Variants in PHLPP1 observed in about 807,000 individuals in gnomAD.
PHLPP1 encodes PH domain leucine-rich repeat-containing protein phosphatase 1.
In PHLPP1, 42 loss-of-function variants were observed where a neutral mutation model predicts 117.2. The ratio of observed to expected loss-of-function variants is 0.36; its 90% CI spans 0.28 to 0.46. The LOEUF (loss-of-function observed/expected upper bound fraction) is 0.46. Ranked by LOEUF, PHLPP1 falls within the 20% of genes least tolerant of loss-of-function variation. The pLI is 1.00. For missense variants in PHLPP1, 2,084 were observed against 2,241.9 expected, an observed-to-expected ratio of 0.93 and a Z score of 1.42; for synonymous variants, 1,042 against 970.7, an observed-to-expected ratio of 1.07 and a Z score of -1.37.
In PHLPP1 at chr18:62,716,473, C is replaced by T. The variant is rs957868333; in HGVS notation, c.790C>T (p.Pro264Ser). 1.3e-5 allele frequency: 16 copies of T among 1,232,954 alleles called. No individual in the cohort carries two copies. Among genetic ancestry groups the T allele is most frequent in the Non-Finnish European group, 1.5e-5 (15 of 990,310 alleles). 76.4% of individuals were successfully genotyped at this position (1,232,954 alleles called of 1,614,324 possible). Residue 264 changes from proline (P) to serine (S), a missense_variant, in exon 1 of 17, where the codon CCC becomes TCC. Pro to Ser is a moderately conservative substitution (Grantham distance 74). Coordinates refer to ENST00000262719, the MANE Select transcript of PHLPP1 (RefSeq NM_194449.4). The surrounding 1 kb of genome is among the most constrained non-coding windows in gnomAD (Gnocchi z 5.7). Reference protein sequence around the residue: ...AAAAREPAEPPPEAGPRLAPP... With the variant: ...AAAAREPAEPSPEAGPRLAPP... ...CGCCGCCCGGGAGCCCGCTGAACCG[C>T]CCCCCGAGGCCGGCCCCCGGCTGGC... is the stretch of plus-strand genomic sequence containing the variant.
chr18:62,921,342 T>C (rs987708482), intron 10 of PHLPP1, among the ~76,000 whole-genome samples: 1 of 152,238 alleles, frequency 6.6e-6, no homozygotes. Flanking sequence ...CAGATCTTTT[T>C]ACCTTACAAA....
At chr18:62,877,605 A>G (rs770843721) in intron 4 of PHLPP1, among the ~76,000 whole-genome samples, 2 of 152,194 alleles carry the variant, frequency 1.3e-5, no homozygotes, top group Non-Finnish European at 2.9e-5. Flanking sequence ...CATGGAATGT[A>G]TGGAATGTCT....
At chr18:62,813,740 A>G in intron 1 of PHLPP1, among the ~76,000 whole-genome samples, 1 of 152,070 alleles carries the variant, frequency 6.6e-6, no homozygotes, top group East Asian at 1.9e-4. Context: ...CTGTTTTAGC[A>G]AGACTTCTAG....
chr18:62,767,558 A>G (rs1912589851), intron 1 of PHLPP1, among the ~76,000 whole-genome samples: 1 of 152,232 alleles, frequency 6.6e-6, no homozygotes, highest in Non-Finnish European at 1.5e-5. Flanking sequence ...AAATGATTGA[A>G]CAGTTTGGAG....
At chr18:62,881,144 T>G (rs1225755375) in intron 4 of PHLPP1, among the ~76,000 whole-genome samples, 1 of 152,204 alleles carries the variant, frequency 6.6e-6, no homozygotes, top group Non-Finnish European at 1.5e-5. Flanking sequence ...CTGTGGACAC[T>G]GATGCGTGGG....
intron 12 of PHLPP1, among the ~76,000 whole-genome samples, chr18:62,956,536 T>C (rs1910615921): frequency 6.6e-6 from 1 of 151,916 alleles, no homozygotes; most frequent in African/African-American, 2.4e-5. Context: ...TGCAGTAGAG[T>C]GATAGAAGAG....
chr18:62,953,950 G>A (rs1910541570), intron 12 of PHLPP1, among the ~76,000 whole-genome samples: 1 of 152,172 alleles, frequency 6.6e-6, no homozygotes, highest in South Asian at 2.1e-4. Context: ...TTTGGCAGAT[G>A]ATATATAATA....
At chr18:62,758,429 T>C (rs1912099660) in intron 1 of PHLPP1, among the ~76,000 whole-genome samples, 1 of 152,212 alleles carries the variant, frequency 6.6e-6, no homozygotes, top group Non-Finnish European at 1.5e-5. Context: ...GCTCAACCCA[T>C]GCTGTTATGA....
At chr18:62,785,447 C>T (rs1395544106) in intron 1 of PHLPP1, among the ~76,000 whole-genome samples, 11 of 152,176 alleles carry the variant, frequency 7.2e-5, no homozygotes, top group Admixed American at 7.2e-4. Flanking sequence ...AGGCTGGTTT[C>T]TCTACCTTTG....
At chr18:62,806,616 AAGAC>A (rs1184405646) in intron 1 of PHLPP1, among the ~76,000 whole-genome samples, 2 of 152,204 alleles carry the variant, frequency 1.3e-5, no homozygotes, top group African/African-American at 4.8e-5. Flanking sequence ...GAAAATAAAA[AAGAC>A]AGTAAGAATT....
chr18:62,831,705 T>G (rs148691389), intron 2 of PHLPP1, among the ~76,000 whole-genome samples: 2 of 152,334 alleles, frequency 1.3e-5, no homozygotes, highest in African/African-American at 4.8e-5. Context: ...GTGAAGGAAG[T>G]AAGACCACAT....
chr18:62,717,928 T>A (rs893841019), intron 1 of PHLPP1, among the ~76,000 whole-genome samples: 2 of 152,270 alleles, frequency 1.3e-5, no homozygotes, highest in African/African-American at 4.8e-5. Flanking sequence ...TTCTCTCATT[T>A]TCTTCCAGCC....
intron 6 of PHLPP1, among the ~76,000 whole-genome samples, chr18:62,902,220 T>G (rs969188051): frequency 6.6e-6 from 1 of 152,214 alleles, no homozygotes; most frequent in Non-Finnish European, 1.5e-5. Flanking sequence ...TGTGCCTTGC[T>G]TCATCACAGA....
chr18:62,754,231 C>T (rs1048497353), intron 1 of PHLPP1, among the ~76,000 whole-genome samples: 1 of 152,148 alleles, frequency 6.6e-6, no homozygotes, highest in Non-Finnish European at 1.5e-5. Context: ...ACAGGCATTC[C>T]CCATCACCTG....
chr18:62,718,212 G>A (rs1003784661), intron 1 of PHLPP1, among the ~76,000 whole-genome samples: 4 of 152,168 alleles, frequency 2.6e-5, no homozygotes, highest in Non-Finnish European at 5.9e-5. Flanking sequence ...GAATAATTAT[G>A]TTCTCAGTGA....
intron 1 of PHLPP1, among the ~76,000 whole-genome samples, chr18:62,759,191 A>G (rs150668237): frequency 6.6e-6 from 1 of 152,354 alleles, no homozygotes. Context: ...TATGGAGTGT[A>G]TCAGATGGCC....
Position 62,849,812 on chromosome 18 carries a change from A to ATATAT in PHLPP1, c.1900-10623_1900-10622insTATAT, listed in dbSNP as rs1228015504. Among the ~76,000 whole-genome samples, 115 of 44,274 alleles carry ATATAT rather than the reference A, an allele frequency of 2.6e-3. 2 individuals are homozygous for ATATAT. The highest frequency in any genetic ancestry group is 0.01 in the African/African-American group (113 of 11,104). The allele number at this position is 44,274 out of a possible 152,430, so 29.0% of individuals were successfully genotyped here. Reference sequence around the variant, plus strand: ...CCTGTCTCTACAAAAAAAAAAAAAAAAAAAAAAAAAAAAAAAAAAAATATA... The same window carrying ATATAT: ...CCTGTCTCTACAAAAAAAAAAAAAAATATATAAAAAAAAAAAAAAAAAAAAATATA... On this transcript the variant is annotated intron_variant, in intron 3 of 16. Transcript: ENST00000262719.
intron 3 of PHLPP1, among the ~76,000 whole-genome samples, chr18:62,851,839 G>A (rs116087397): frequency 8.9e-4 from 135 of 151,878 alleles, no homozygotes; most frequent in African/African-American, 3.0e-3. Flanking sequence ...TCATTACCTC[G>A]AATCATTTTA....
chr18:62,745,463 C>G (rs568281192), intron 1 of PHLPP1, among the ~76,000 whole-genome samples: 1 of 152,232 alleles, frequency 6.6e-6, no homozygotes, highest in African/African-American at 2.4e-5. Context: ...AAATTGTCAA[C>G]AAGTGGTACT....
Sources: allele counts gnomAD v4.1 joint callset (sites outside exome capture counted in the v4.1 genomes callset), GRCh38; gene constraint gnomAD v4.1.1; non-coding constraint Gnocchi (gnomAD v3.1); transcripts MANE v1.5; gene names NCBI Gene and HGNC (gene_info 2026-07-23, HGNC 2026-07-21).